Variants in GRAMD1A observed in about 807,000 individuals in gnomAD.
The protein encoded by GRAMD1A is GRAM domain containing 1A.
GRAMD1A carries 50 observed loss-of-function variants against 92.0 expected under a neutral mutation model. That is an observed-to-expected ratio of 0.54 (90% CI 0.43 to 0.69). The LOEUF is 0.69. Among genes scored for constraint, GRAMD1A ranks in the 30% least tolerant of loss-of-function variants. The pLI, the probability that GRAMD1A is intolerant of heterozygous loss-of-function variation, is 0.00. For missense variants in GRAMD1A, 819 were observed against 978.9 expected (o/e 0.84, Z 2.18); for synonymous variants, 405 against 403.6 (o/e 1.00, Z -0.04).
In GRAMD1A at chr19:35,011,442, C is replaced by T. The variant is rs201052659; in HGVS notation, c.526-32C>T. 1.7e-4 allele frequency: 269 copies of T among 1,547,484 alleles called. 2 individuals are homozygous for T. In the South Asian group the frequency reaches 2.8e-3, roughly 16 times the overall value. On this transcript the variant is annotated intron_variant, in intron 6 of 19. Transcript: ENST00000317991. ...TCTGTCCTGGTCGCTCCCCAACCTG[C>T]TCACACCTCTCTCTCTCTCTCTCCC...
chr19:35,015,930 C>T lies in GRAMD1A; in HGVS notation c.1176C>T (p.Pro392=), dbSNP rs2015595089. 1 of 1,614,116 alleles carries T rather than the reference C, an allele frequency of 6.2e-7. No individual in the cohort carries two copies. The highest frequency in any genetic ancestry group is 8.5e-7 in the Non-Finnish European group (1 of 1,179,970). The change falls in exon 11 of 20, where the codon CCC becomes CCT. Residue 392 remains proline, a synonymous_variant. Transcript: ENST00000317991. ...RLQQMLFSDS[P]FLQGFLQQCK... is the part of the protein sequence containing the mutation. The stretch of plus-strand genomic sequence containing the variant: ...AGCAGATGCTCTTCTCGGACTCGCC[C>T]TTCCTCCAGGGCTTCCTACAGCAGT...
At chr19:34,994,996 G>T (rs545309649) in intron 1 of GRAMD1A, among the ~76,000 whole-genome samples, 1 of 152,188 alleles carries the variant, frequency 6.6e-6, no homozygotes, top group Non-Finnish European at 1.5e-5. Context: ...GAGAGACTGC[G>T]GTCTGGCCTC....
At chr19:35,010,797 T>C (rs983221240) in intron 6 of GRAMD1A, among the ~76,000 whole-genome samples, 1 of 152,112 alleles carries the variant, frequency 6.6e-6, no homozygotes, top group Admixed American at 6.6e-5. Flanking sequence ...CTTTGTGTTT[T>C]GTTGGTTAAA....
At chr19:35,006,399 C>T (rs1420518254) in intron 1 of GRAMD1A, among the ~76,000 whole-genome samples, 1 of 152,208 alleles carries the variant, frequency 6.6e-6, no homozygotes, top group African/African-American at 2.4e-5. Flanking sequence ...TAGTTTCCTC[C>T]TCTGTAAAGC....
rs1440637181 is a variant in GRAMD1A at position 35,016,577 on chromosome 19, C to T, written c.1213+610C>T. ...ACACTGCACTCCAGCCTGGGTGACACAGCCAAACTCTGTCTCAAAAAAACA... is the reference window on the plus strand; with the variant it reads ...ACACTGCACTCCAGCCTGGGTGACATAGCCAAACTCTGTCTCAAAAAAACA... On this transcript the variant is annotated intron_variant, in intron 11 of 19. Transcript: ENST00000317991. 6.9e-5 allele frequency among the ~76,000 whole-genome samples: 8 copies of T among 115,158 alleles called. No individual in the cohort carries two copies. The East Asian group carries it at 2.0e-3, about 29-fold the overall frequency. The allele number at this position is 115,158 out of a possible 152,430, so 75.5% of individuals were successfully genotyped here.
At chr19:35,010,777 G>A in intron 6 of GRAMD1A, 1 of 475,616 alleles carries the variant, frequency 2.1e-6, no homozygotes, top group East Asian at 3.4e-5. Context: ...ACACTTCCCA[G>A]CAGACTTCTC....
chr19:34,997,121 C>T (rs2014067655), upstream of GRAMD1A, among the ~76,000 whole-genome samples: 1 of 151,618 alleles, frequency 6.6e-6, no homozygotes, highest in African/African-American at 2.4e-5. Flanking sequence ...ACCATGTTGC[C>T]CAGGCTGGTC....
chr19:35,010,941 G>C (rs1431091585), intron 6 of GRAMD1A, among the ~76,000 whole-genome samples: 1 of 151,786 alleles, frequency 6.6e-6, no homozygotes, highest in Non-Finnish European at 1.5e-5. Flanking sequence ...CTCTTAAAAA[G>C]CAAAAAATTA....
chr19:35,018,350 G>C (rs1444015746), intron 11 of GRAMD1A, among the ~76,000 whole-genome samples: 4 of 152,184 alleles, frequency 2.6e-5, no homozygotes, highest in Admixed American at 6.5e-5. Flanking sequence ...AAGTGAGAGA[G>C]AGTGGAGGGG....
At chr19:35,016,004 A>C (rs755836823) in intron 11 of GRAMD1A, 37 bp downstream of exon 11, 81 of 1,601,488 alleles carry the variant, frequency 5.1e-5, no homozygotes, top group Non-Finnish European at 6.7e-5. Context: ...GAGGTTACCC[A>C]GGTGCAGGGG....
At position 35,023,507 on chromosome 19, in the gene GRAMD1A, G is replaced by A. The variant is rs1300363046; in HGVS notation, c.2042G>A (p.Trp681Ter). 1.3e-6 allele frequency: 2 copies of A among 1,585,078 alleles called. No homozygotes were observed. The highest frequency in any genetic ancestry group is 1.4e-5 in the African/African-American group (1 of 73,296). ...KQFHSVEVHK[W>*]RQILRASVEL... ...TTCCACAGCGTGGAGGTGCACAAGT[G>A]GAGGCAGATCCTGCGGGCCTCCGTG... Residue 681 changes from tryptophan (W) to a stop codon, truncating the protein, a stop_gained, in exon 19 of 20, where the codon TGG becomes TAG. Transcript: ENST00000317991. LOFTEE classifies it high-confidence loss of function.
intron 12 of GRAMD1A, 23 bp from the exon 13 acceptor site, chr19:35,019,368 C>G (rs773758809): frequency 6.2e-7 from 1 of 1,613,556 alleles, no homozygotes; most frequent in African/African-American, 1.3e-5. Flanking sequence ...GTGGCCCTGA[C>G]TTCTCCGGCT....
At chr19:35,017,901 A>G (rs914511371) in intron 11 of GRAMD1A, among the ~76,000 whole-genome samples, 1 of 152,186 alleles carries the variant, frequency 6.6e-6, no homozygotes, top group Non-Finnish European at 1.5e-5. Context: ...ACAGGAGTTC[A>G]TCTATCCTGG....
In GRAMD1A at chr19:35,013,491, G is replaced by T. The variant is rs773911709; in HGVS notation, c.720-50G>T. ...TGACGTCTGGAGGATTCAGGAGGGT[G>T]TATGGGGTCTCAAGGACACAGCAGT... On this transcript the variant is annotated intron_variant, in intron 8 of 19. Transcript: ENST00000317991. This position sits in a 1 kb window ranked among gnomAD's most constrained non-coding sequence, Gnocchi z 4.9. 1 of 1,574,848 alleles carries T rather than the reference G, an allele frequency of 6.3e-7. No homozygotes were observed. The highest frequency in any genetic ancestry group is 2.3e-5 in the East Asian group (1 of 44,394).
intron 19 of GRAMD1A, 107 bp downstream of exon 19, chr19:35,023,654 C>G: frequency 1.8e-6 from 2 of 1,109,808 alleles, no homozygotes; most frequent in Non-Finnish European, 2.5e-6. Flanking sequence ...TCAGTGTCCT[C>G]CTCTGTAAAA....
At chr19:35,003,061 GGTGTGTGTGTGTGTGT>G (rs58809497) in intron 1 of GRAMD1A, among the ~76,000 whole-genome samples, 2 of 142,232 alleles carry the variant, frequency 1.4e-5, no homozygotes, top group African/African-American at 2.7e-5. Flanking sequence ...CAATGCTGCA[GGTGTGTGTGTGTGTGT>G]GTGTGTGTGT....
chr19:35,026,054 G>A lies in GRAMD1A; in HGVS notation c.2088G>A (p.Lys696=). 6.3e-7 allele frequency: 1 copy of A among 1,584,230 alleles called. No homozygotes were observed. The highest frequency in any genetic ancestry group is 8.7e-7 in the Non-Finnish European group (1 of 1,153,028). ...TGCTCACCTCCTCCCCGCAGATGAA[G>A]TTCTCGCTGGAGAAGCTGCACCAAG... is the stretch of plus-strand genomic sequence containing the variant. The part of the protein sequence containing the change: ...RASVELLDEM[K]FSLEKLHQGI... Residue 696 remains lysine, a synonymous_variant, in exon 20 of 20, where the codon AAG becomes AAA. Transcript: ENST00000317991.
chr19:35,001,897 C>G (rs192796894), intron 1 of GRAMD1A, among the ~76,000 whole-genome samples: 1 of 152,116 alleles, frequency 6.6e-6, no homozygotes, highest in African/African-American at 2.4e-5. Context: ...CTTAAGCCAT[C>G]GCGCCTGGCT....
chr19:35,000,530 G>T lies in GRAMD1A; in HGVS notation c.8+44G>T. 8.0e-7 allele frequency: 1 copy of T among 1,245,162 alleles called. No homozygotes were observed. 77.1% of individuals were successfully genotyped at this position (1,245,162 alleles called of 1,614,324 possible). On this transcript the variant is annotated intron_variant, in intron 1 of 19. Transcript: ENST00000317991. The surrounding 1 kb of genome is among the most constrained non-coding windows in gnomAD (Gnocchi z 4.9). ...GAGCTCAGGGACCGGGCGCGCGGGG[G>T]AGGCCACCGGAGGGAGGGGGCGCCG...
Sources: allele counts gnomAD v4.1 joint callset (sites outside exome capture counted in the v4.1 genomes callset), GRCh38; gene constraint gnomAD v4.1.1; non-coding constraint Gnocchi (gnomAD v3.1); transcripts MANE v1.5; gene names NCBI Gene and HGNC (gene_info 2026-07-23, HGNC 2026-07-21).